Variants in SLC4A4 observed in about 807,000 individuals in gnomAD.
The protein encoded by SLC4A4 is solute carrier family 4 member 4.
In SLC4A4, 27 loss-of-function variants were observed where a neutral mutation model predicts 111.5. That is an observed-to-expected ratio of 0.24 (90% CI 0.18 to 0.33). The LOEUF is 0.33. Among genes scored for constraint, SLC4A4 ranks in the 10% least tolerant of loss-of-function variants. The probability of loss-of-function intolerance (pLI) is 1.00; values close to 1 mark genes in which losing one functional copy is unlikely to be tolerated. For missense variants in SLC4A4, 909 were observed against 1,315.5 expected, an observed-to-expected ratio of 0.69 and a Z score of 4.78; for synonymous variants, 443 against 463.4, an observed-to-expected ratio of 0.96 and a Z score of 0.57.
chr4:71,368,218 G>A (rs188787014), intron 6 of SLC4A4, among the ~76,000 whole-genome samples: 2 of 152,306 alleles, frequency 1.3e-5, no homozygotes, highest in Admixed American at 1.3e-4. Flanking sequence ...AGTTGATGGT[G>A]TTGTTTCCTC....
At chr4:71,193,395 G>A (rs1309044725) in intron 1 of SLC4A4, among the ~76,000 whole-genome samples, 4 of 152,174 alleles carry the variant, frequency 2.6e-5, no homozygotes, top group Non-Finnish European at 4.4e-5. Context: ...TCCTGACCTC[G>A]TGATCCGCCC....
chr4:71,278,043 A>T (rs1723215581), intron 3 of SLC4A4, among the ~76,000 whole-genome samples: 1 of 152,086 alleles, frequency 6.6e-6, no homozygotes. Flanking sequence ...TACATCCCAG[A>T]ATTTATTCAT....
intron 3 of SLC4A4, among the ~76,000 whole-genome samples, chr4:71,313,897 A>G (rs900636375): frequency 1.3e-5 from 2 of 152,232 alleles, no homozygotes; most frequent in Admixed American, 6.5e-5. Flanking sequence ...AGCAATTGCA[A>G]CAAAAGCCAA....
intron 7 of SLC4A4, among the ~76,000 whole-genome samples, chr4:71,423,015 G>C (rs901503216): frequency 5.6e-4 from 86 of 152,276 alleles, no homozygotes; most frequent in African/African-American, 2.1e-3. Flanking sequence ...AGGAAATAAA[G>C]GGTATTCTAT....
At chr4:71,436,893 G>A in intron 7 of SLC4A4, 1 of 226,894 alleles carries the variant, frequency 4.4e-6, no homozygotes, top group South Asian at 5.0e-5. Flanking sequence ...ATGTGTGGCT[G>A]CTCTTTCCCA....
chr4:71,158,139 G>T (rs200050990), intron 2 of SLC4A4, among the ~76,000 whole-genome samples: 1 of 129,966 alleles, frequency 7.7e-6, no homozygotes, highest in Admixed American at 7.8e-5. Flanking sequence ...GTGTGTGTGT[G>T]TGTCTCTCTC....
intron 2 of SLC4A4, among the ~76,000 whole-genome samples, chr4:71,250,159 T>A (rs1422462805): frequency 6.6e-6 from 1 of 152,004 alleles, no homozygotes; most frequent in African/African-American, 2.4e-5. Flanking sequence ...AAAATAAATC[T>A]CTTAATTTTG....
chr4:71,165,818 G>A (rs1455344796), intron 2 of SLC4A4, among the ~76,000 whole-genome samples: 2 of 151,884 alleles, frequency 1.3e-5, no homozygotes, highest in Non-Finnish European at 2.9e-5. Context: ...TTTCTATATG[G>A]CAGCTGGAAC....
In SLC4A4 at chr4:71,555,188, G is replaced by C. The variant is rs778710148; in HGVS notation, c.2743G>C (p.Ala915Pro). 1 of 1,609,874 alleles carries C rather than the reference G, an allele frequency of 6.2e-7. No individual in the cohort carries two copies. The change falls in exon 21 of 26, where the codon GCA becomes CCA. Residue 915 changes from alanine to proline, a missense_variant. By Grantham distance (27) the Ala-to-Pro change is conservative. This residue lies in a region of SLC4A4 where 104 missense variants were observed against 219.5 expected (regional missense o/e 0.47). Transcript: ENST00000264485. ...TGGTGTGTTCCTGTATATGGGAGTAGCATCCCTTAATGGTGTGCAGGTAAG... is the reference window on the plus strand; with the variant it reads ...TGGTGTGTTCCTGTATATGGGAGTACCATCCCTTAATGGTGTGCAGGTAAG... Reference protein sequence around the residue: ...LYGVFLYMGVASLNGVQFMDR... With the variant: ...LYGVFLYMGVPSLNGVQFMDR...
rs559119616 is a variant in SLC4A4, at chr4:71,247,360, A to T, written c.74-7860A>T. 7.3e-4 allele frequency among the ~76,000 whole-genome samples: 108 copies of T among 148,740 alleles called. 1 individual carries two copies. The Middle Eastern group carries it at 0.018, about 25-fold the overall frequency. Reference sequence around the variant, plus strand: ...ATTAACATATATTAAAATATATAATATTTATATATTATATTAAATAGTTGA... The same window carrying T: ...ATTAACATATATTAAAATATATAATTTTTATATATTATATTAAATAGTTGA... On this transcript the variant is annotated intron_variant, in intron 2 of 25. Transcript: ENST00000264485.
At position 71,208,706 on chromosome 4, in the gene SLC4A4, T is replaced by C. The variant is rs1717945358; in HGVS notation, c.-2+21305T>C. Among the ~76,000 whole-genome samples, 4 of 152,266 alleles carry C rather than the reference T, an allele frequency of 2.6e-5. No homozygotes were observed. The South Asian group carries it at 8.3e-4, about 32-fold the overall frequency. ...GGCCTTTTCTTTTATTGTTGTCATCTGGACTCTTCTATTTTAAATCACCTT... is the reference window on the plus strand; with the variant it reads ...GGCCTTTTCTTTTATTGTTGTCATCCGGACTCTTCTATTTTAAATCACCTT... On this transcript the variant is annotated intron_variant, in intron 1 of 25. Coordinates refer to ENST00000264485, the MANE Select transcript of SLC4A4 (RefSeq NM_001098484.3).
At chr4:71,513,564 C>T (rs77620165) in intron 16 of SLC4A4, among the ~76,000 whole-genome samples, 2,450 of 152,122 alleles carry the variant, frequency 0.016, 65 homozygotes, top group African/African-American at 0.055. Context: ...AAGACTGTAT[C>T]GTCAGCAAAG....
intron 1 of SLC4A4, among the ~76,000 whole-genome samples, chr4:71,201,508 C>T (rs1425693795): frequency 2.0e-5 from 3 of 152,212 alleles, no homozygotes; most frequent in Admixed American, 1.3e-4. Flanking sequence ...AGACTTCGTG[C>T]CTTATGACGG....
At chr4:71,410,055 T>C (rs975459453) in intron 7 of SLC4A4, among the ~76,000 whole-genome samples, 1 of 152,114 alleles carries the variant, frequency 6.6e-6, no homozygotes, top group Non-Finnish European at 1.5e-5. Context: ...AGAAGATGTA[T>C]GGAAATGCCT....
At chr4:71,201,883 T>G (rs1746272706) in intron 1 of SLC4A4, among the ~76,000 whole-genome samples, 1 of 152,212 alleles carries the variant, frequency 6.6e-6, no homozygotes, top group Non-Finnish European at 1.5e-5. Flanking sequence ...GATGATGACA[T>G]TTGAAGGATT....
rs529463238 is a variant in SLC4A4, at chr4:71,490,323, A to C, written c.1974+3305A>C. Reference sequence around the variant, plus strand: ...GGATCAGTTAGTATTTTGTTTTTCCACATCAGATTCCTTTTTTTTAAATTG... The same window carrying C: ...GGATCAGTTAGTATTTTGTTTTTCCCCATCAGATTCCTTTTTTTTAAATTG... On this transcript the variant is annotated intron_variant, in intron 15 of 25. Coordinates refer to ENST00000264485, the MANE Select transcript of SLC4A4 (RefSeq NM_001098484.3). Among the ~76,000 whole-genome samples the C allele has an allele frequency of 8.6e-5, 13 of 151,924 alleles. No homozygotes were observed. The East Asian group carries it at 2.5e-3, about 30-fold the overall frequency.
intron 6 of SLC4A4, among the ~76,000 whole-genome samples, chr4:71,362,973 T>C (rs1316025771): frequency 6.6e-6 from 1 of 152,182 alleles, no homozygotes; most frequent in Non-Finnish European, 1.5e-5. Flanking sequence ...TTCCTCTTTT[T>C]TAATTCAAAT....
intron 17 of SLC4A4, among the ~76,000 whole-genome samples, 153 bp downstream of exon 17, chr4:71,532,328 A>G (rs1228668745): frequency 6.6e-6 from 1 of 152,072 alleles, no homozygotes; most frequent in Non-Finnish European, 1.5e-5. Flanking sequence ...ATATACATGT[A>G]GTTTAATTTC....
intron 6 of SLC4A4, among the ~76,000 whole-genome samples, chr4:71,358,136 A>C (rs1730450989): frequency 6.6e-6 from 1 of 152,078 alleles, no homozygotes. Flanking sequence ...AACATGGCGA[A>C]ACCCCATCTC....
Sources: allele counts gnomAD v4.1 joint callset (sites outside exome capture counted in the v4.1 genomes callset), GRCh38; gene constraint gnomAD v4.1.1; regional missense constraint gnomAD v4.1.1; transcripts MANE v1.5; gene names NCBI Gene and HGNC (gene_info 2026-07-23, HGNC 2026-07-21).